The following LRRC4C variants were observed in gnomAD, a reference collection of about 807,000 sequenced individuals.
LRRC4C encodes the protein leucine rich repeat containing 4C, also known as leucine-rich repeat-containing protein 4C.
Under a neutral mutation model 33.6 loss-of-function variants are expected in LRRC4C, and 5 were observed. The ratio of observed to expected loss-of-function variants is 0.15; its 90% CI spans 0.08 to 0.31. The LOEUF (loss-of-function observed/expected upper bound fraction) is 0.31, where lower values mean the gene tolerates loss of function less well. Among genes scored for constraint, LRRC4C ranks in the 10% least tolerant of loss-of-function variants. LRRC4C has a pLI of 1.00. For missense variants in LRRC4C, 560 were observed against 796.7 expected, an observed-to-expected ratio of 0.70 and a Z score of 3.58; for synonymous variants, 329 against 302.0, an observed-to-expected ratio of 1.09 and a Z score of -0.93.
intron 1 of LRRC4C, among the ~76,000 whole-genome samples, chr11:41,203,424 T>A (rs1269988712): frequency 6.6e-6 from 1 of 152,254 alleles, no homozygotes; most frequent in Non-Finnish European, 1.5e-5. Flanking sequence ...CCTGAAATTT[T>A]TCTTGGAAGT....
intron 2 of LRRC4C, among the ~76,000 whole-genome samples, chr11:40,711,353 A>T (rs2136591121): frequency 6.6e-6 from 1 of 152,118 alleles, no homozygotes; most frequent in South Asian, 2.1e-4. Flanking sequence ...ATTTTACAAC[A>T]CCCAAGTCCA....
intron 1 of LRRC4C, among the ~76,000 whole-genome samples, chr11:41,094,756 G>A: frequency 6.6e-6 from 1 of 151,924 alleles, no homozygotes; most frequent in East Asian, 1.9e-4. Context: ...TCTTGTCAAT[G>A]GGTCCATCTC....
Position 41,017,809 on chromosome 11 carries a change from T to C in LRRC4C, c.-495-84086A>G, listed in dbSNP as rs1398285985. On this transcript the variant is annotated intron_variant, in intron 1 of 6. Coordinates refer to ENST00000528697, the MANE Select transcript of LRRC4C (RefSeq NM_001258419.2). The stretch of plus-strand genomic sequence containing the variant: ...TAATAATTTGGGTATATATAATATA[T>C]AAAACATATGGCAAAATACACAGAG... Among the ~76,000 whole-genome samples, 7 of 150,448 alleles carry C rather than the reference T, an allele frequency of 4.7e-5. No homozygotes were observed. In the East Asian group the frequency reaches 1.4e-3, roughly 29 times the overall value.
intron 1 of LRRC4C, among the ~76,000 whole-genome samples, chr11:41,319,861 A>G (rs1342427321): frequency 6.6e-6 from 1 of 152,168 alleles, no homozygotes; most frequent in East Asian, 1.9e-4. Flanking sequence ...GTTGCCAACT[A>G]AGTTTTGATT....
At chr11:40,397,052 C>T (rs1443176511) in intron 3 of LRRC4C, among the ~76,000 whole-genome samples, 1 of 151,958 alleles carries the variant, frequency 6.6e-6, no homozygotes, top group Non-Finnish European at 1.5e-5. Context: ...ATACTTCAAA[C>T]CCAAAAGACA....
intron 1 of LRRC4C, among the ~76,000 whole-genome samples, chr11:41,082,035 C>T (rs1192484686): frequency 1.3e-5 from 2 of 152,092 alleles, no homozygotes; most frequent in African/African-American, 4.8e-5. Context: ...AACCCAAGGG[C>T]CACCTTGATT....
chr11:40,229,580 C>T (rs538506203), intron 5 of LRRC4C, among the ~76,000 whole-genome samples: 264 of 152,204 alleles, frequency 1.7e-3, no homozygotes, highest in Non-Finnish European at 2.8e-3. Context: ...GCCCTTATGG[C>T]TAATATTAAT....
intron 1 of LRRC4C, among the ~76,000 whole-genome samples, chr11:41,361,659 T>C (rs1952359698): frequency 1.3e-5 from 2 of 152,192 alleles, no homozygotes; most frequent in African/African-American, 4.8e-5. Context: ...AGCTAAAATA[T>C]ATGGTTAATA....
chr11:40,871,140 C>A (rs942021573), intron 2 of LRRC4C, among the ~76,000 whole-genome samples: 32 of 152,222 alleles, frequency 2.1e-4, no homozygotes, highest in African/African-American at 7.2e-4. Flanking sequence ...TGCCTCAAAC[C>A]CTGTCTCCTG....
chr11:40,790,793 T>A (rs942884344), intron 2 of LRRC4C, among the ~76,000 whole-genome samples: 1 of 152,218 alleles, frequency 6.6e-6, no homozygotes, highest in Non-Finnish European at 1.5e-5. Context: ...ATTATAAATA[T>A]GCAGACTACT....
chr11:40,443,635 T>C (rs1483898597), intron 3 of LRRC4C, among the ~76,000 whole-genome samples: 1 of 152,218 alleles, frequency 6.6e-6, no homozygotes, highest in Non-Finnish European at 1.5e-5. Flanking sequence ...CATATTTTCA[T>C]CACTCAGTGG....
intron 1 of LRRC4C, among the ~76,000 whole-genome samples, chr11:41,408,612 T>C (rs970725994): frequency 6.6e-6 from 1 of 152,118 alleles, no homozygotes; most frequent in African/African-American, 2.4e-5. Flanking sequence ...ATTTATGATG[T>C]TAAAAATAAA....
At chr11:40,916,826 G>T (rs1592086101) in intron 2 of LRRC4C, among the ~76,000 whole-genome samples, 1 of 151,756 alleles carries the variant, frequency 6.6e-6, no homozygotes, top group South Asian at 2.1e-4. Context: ...ATTGGTTGAG[G>T]TTTATATTTA....
chr11:40,527,096 C>A (rs1029677141), intron 3 of LRRC4C, among the ~76,000 whole-genome samples: 1 of 152,092 alleles, frequency 6.6e-6, no homozygotes, highest in Admixed American at 6.5e-5. Flanking sequence ...GAGATCAATA[C>A]AGTCATCACC....
intron 2 of LRRC4C, among the ~76,000 whole-genome samples, chr11:40,781,921 G>A (rs971370738): frequency 6.6e-6 from 1 of 152,202 alleles, no homozygotes; most frequent in Non-Finnish European, 1.5e-5. Context: ...AATTAACAAA[G>A]CCATCACTTA....
chr11:40,399,319 G>A (rs1196654870), intron 3 of LRRC4C, among the ~76,000 whole-genome samples: 1 of 152,094 alleles, frequency 6.6e-6, no homozygotes, highest in Non-Finnish European at 1.5e-5. Context: ...TTAAGAAAAT[G>A]TGGCACATAT....
Position 40,618,321 on chromosome 11 carries a change from C to A in LRRC4C, c.-270+29821G>T, listed in dbSNP as rs193151692. Among the ~76,000 whole-genome samples the A allele has an allele frequency of 5.9e-5, 9 of 151,552 alleles. No homozygotes were observed. The East Asian group carries it at 1.6e-3, about 26-fold the overall frequency. On this transcript the variant is annotated intron_variant, in intron 3 of 6. Transcript: ENST00000528697. ...GAGACTGGAGTGATGAAGGTACTAGCCAAGAAATGACCAAGATTGCTGGCA... is the reference window on the plus strand; with the variant it reads ...GAGACTGGAGTGATGAAGGTACTAGACAAGAAATGACCAAGATTGCTGGCA...
At chr11:40,551,462 C>T (rs1957125353) in intron 3 of LRRC4C, among the ~76,000 whole-genome samples, 2 of 152,038 alleles carry the variant, frequency 1.3e-5, no homozygotes, top group South Asian at 4.1e-4. Context: ...GCCAGACATT[C>T]TATCCCAGGA....
chr11:40,912,675 G>A (rs1956756271), intron 2 of LRRC4C, among the ~76,000 whole-genome samples: 1 of 152,070 alleles, frequency 6.6e-6, no homozygotes, highest in African/African-American at 2.4e-5. Context: ...CATAATGACA[G>A]GATCAAATTC....
Sources: allele counts gnomAD v4.1 joint callset (sites outside exome capture counted in the v4.1 genomes callset), GRCh38; gene constraint gnomAD v4.1.1; transcripts MANE v1.5; gene names NCBI Gene and HGNC (gene_info 2026-07-23, HGNC 2026-07-21).